The following VEPH1 variants were observed in gnomAD, a reference collection of about 807,000 sequenced individuals.
VEPH1 encodes the protein ventricular zone-expressed PH domain-containing protein homolog 1.
VEPH1 carries 80 observed loss-of-function variants against 85.2 expected under a neutral mutation model. The ratio of observed to expected loss-of-function variants is 0.94; its 90% CI spans 0.78 to 1.13. VEPH1 has a LOEUF of 1.13. Ranked by LOEUF, VEPH1 falls within the 50% of genes most tolerant of loss-of-function variation. The pLI, the probability that VEPH1 is intolerant of heterozygous loss-of-function variation, is 0.00. For missense variants in VEPH1, 955 were observed against 980.5 expected (o/e 0.97, Z 0.35); for synonymous variants, 297 against 348.0 (o/e 0.85, Z 1.63).
chr3:157,458,762 G>C (rs1175546641), intron 4 of VEPH1, among the ~76,000 whole-genome samples: 1 of 152,122 alleles, frequency 6.6e-6, no homozygotes, highest in Non-Finnish European at 1.5e-5. Context: ...TTGAGGTCTT[G>C]CATTTAGGTC....
chr3:157,396,250 C>T (rs1397556466), intron 6 of VEPH1, among the ~76,000 whole-genome samples: 1 of 152,140 alleles, frequency 6.6e-6, no homozygotes, highest in Admixed American at 6.5e-5. Context: ...CATGTTCCTG[C>T]AAAGGAAAAG....
At chr3:157,263,223 A>G (rs1713150588) in intron 13 of VEPH1, among the ~76,000 whole-genome samples, 2 of 152,104 alleles carry the variant, frequency 1.3e-5, no homozygotes, top group Non-Finnish European at 2.9e-5. Flanking sequence ...GATTAGAGGT[A>G]TTTTGCTGTG....
At chr3:157,299,607 G>C (rs565042451) in intron 11 of VEPH1, among the ~76,000 whole-genome samples, 4 of 149,396 alleles carry the variant, frequency 2.7e-5, no homozygotes, top group African/African-American at 9.8e-5. Context: ...CCTTTATCAT[G>C]ACTGAGAATA....
At chr3:157,444,306 T>C (rs957628627) in intron 4 of VEPH1, among the ~76,000 whole-genome samples, 19 of 152,216 alleles carry the variant, frequency 1.2e-4, no homozygotes, top group Non-Finnish European at 7.3e-5. Flanking sequence ...ACTAACTAGC[T>C]AGGTGTCAGA....
chr3:157,497,377 G>A (rs942210875), intron 1 of VEPH1, among the ~76,000 whole-genome samples: 7 of 152,160 alleles, frequency 4.6e-5, no homozygotes, highest in African/African-American at 1.7e-4. Context: ...AGCTTTCAGA[G>A]GGAGGTGGAG....
chr3:157,321,073 T>G (rs971767594), intron 9 of VEPH1, among the ~76,000 whole-genome samples: 2 of 152,132 alleles, frequency 1.3e-5, no homozygotes, highest in Admixed American at 1.3e-4. Context: ...AAAAATGGAA[T>G]ATGGCTTTGA....
At chr3:157,370,376 C>G (rs1727355556) in intron 7 of VEPH1, among the ~76,000 whole-genome samples, 1 of 152,138 alleles carries the variant, frequency 6.6e-6, no homozygotes, top group African/African-American at 2.4e-5. Context: ...AATTCCATGT[C>G]CAGGATATGT....
chr3:157,473,354 G>A (rs972433037), intron 2 of VEPH1, among the ~76,000 whole-genome samples: 2 of 152,100 alleles, frequency 1.3e-5, no homozygotes, highest in Non-Finnish European at 2.9e-5. Flanking sequence ...TTACAAGCAT[G>A]AGCCACCATG....
rs1732912915 is a variant in VEPH1 at position 157,428,496 on chromosome 3, G to A, written c.530-8C>T. On this transcript the variant is annotated splice_polypyrimidine_tract_variant and splice_region_variant and intron_variant, in intron 4 of 13. Transcript: ENST00000362010. Reference sequence around the variant, plus strand: ...TCAACAACATGGTGTTACCTGTTGAGGGAACAATAAAGGGAATGATGACTT... The same window carrying A: ...TCAACAACATGGTGTTACCTGTTGAAGGAACAATAAAGGGAATGATGACTT... 3.1e-6 allele frequency: 5 copies of A among 1,612,372 alleles called. No individual in the cohort carries two copies. Among genetic ancestry groups the A allele is most frequent in the Non-Finnish European group, 4.2e-6 (5 of 1,179,564 alleles).
chr3:157,284,047 C>A (rs1195877174), intron 12 of VEPH1, among the ~76,000 whole-genome samples: 4 of 152,182 alleles, frequency 2.6e-5, no homozygotes, highest in African/African-American at 9.7e-5. Context: ...CAAGCGGTGA[C>A]TTCTCTCAGG....
chr3:157,443,425 A>G (rs1252846157), intron 4 of VEPH1: 1 of 157,998 alleles, frequency 6.3e-6, no homozygotes, highest in African/African-American at 2.4e-5. Flanking sequence ...AAACATATTT[A>G]TACTACAAGG....
At chr3:157,374,054 G>A (rs141157789) in intron 7 of VEPH1, among the ~76,000 whole-genome samples, 3 of 152,274 alleles carry the variant, frequency 2.0e-5, no homozygotes, top group African/African-American at 7.2e-5. Flanking sequence ...TAAATGCTGC[G>A]TTAAGGGAGG....
intron 2 of VEPH1, among the ~76,000 whole-genome samples, chr3:157,481,422 A>T (rs1738037146): frequency 7.1e-6 from 1 of 140,066 alleles, no homozygotes; most frequent in East Asian, 2.1e-4. Flanking sequence ...TCTAAAATTC[A>T]TATGGAACCA....
At chr3:157,499,889 T>C (rs1739966376) in intron 1 of VEPH1, among the ~76,000 whole-genome samples, 1 of 152,088 alleles carries the variant, frequency 6.6e-6, no homozygotes, top group Non-Finnish European at 1.5e-5. Context: ...CATTAACACT[T>C]CCCTCTCCCT....
chr3:157,443,138 A>G (rs1734272095), intron 4 of VEPH1: 1 of 824,744 alleles, frequency 1.2e-6, no homozygotes, highest in Non-Finnish European at 1.8e-6. Context: ...AATACTGAAT[A>G]AACAGTTGAA....
At chr3:157,442,171 A>T (rs1442836357) in intron 4 of VEPH1, among the ~76,000 whole-genome samples, 1 of 152,140 alleles carries the variant, frequency 6.6e-6, no homozygotes, top group Non-Finnish European at 1.5e-5. Context: ...ATTGGATAAG[A>T]CAATTGGCTT....
chr3:157,373,861 C>T (rs1727787029), intron 7 of VEPH1, among the ~76,000 whole-genome samples: 1 of 152,150 alleles, frequency 6.6e-6, no homozygotes, highest in African/African-American at 2.4e-5. Flanking sequence ...TGCCCGCACT[C>T]CATACTGGGG....
At chr3:157,297,968 A>G (rs1718342753) in intron 11 of VEPH1, among the ~76,000 whole-genome samples, 2 of 152,090 alleles carry the variant, frequency 1.3e-5, no homozygotes, top group Admixed American at 1.3e-4. Context: ...ATAATGAGGT[A>G]CCCAGGCCCT....
At chr3:157,391,811 A>G (rs1249025136) in intron 6 of VEPH1, among the ~76,000 whole-genome samples, 1 of 152,220 alleles carries the variant, frequency 6.6e-6, no homozygotes, top group Admixed American at 6.5e-5. Flanking sequence ...AGTCAATGCT[A>G]AAGAGAAAAA....
Sources: gnomAD v4.1 joint callset for allele counts (sites outside exome capture counted in the v4.1 genomes callset) on GRCh38, gnomAD v4.1.1 for gene constraint, MANE v1.5 for transcripts, NCBI Gene and HGNC (gene_info 2026-07-23, HGNC 2026-07-21) for gene names.